Variants in VAV3 observed in about 807,000 individuals in gnomAD.
The protein encoded by VAV3 is guanine nucleotide exchange factor VAV3.
VAV3 carries 94 observed loss-of-function variants against 131.2 expected under a neutral mutation model. The ratio of observed to expected loss-of-function variants is 0.72; its 90% confidence interval spans 0.61 to 0.85. VAV3 has a LOEUF of 0.85. Ranked by LOEUF, VAV3 falls within the 40% of genes least tolerant of loss-of-function variation. VAV3 has a pLI of 0.00. For missense variants in VAV3, 939 were observed against 1,002.7 expected, an observed-to-expected ratio of 0.94 and a Z score of 0.86; for synonymous variants, 349 against 342.0, an observed-to-expected ratio of 1.02 and a Z score of -0.22.
At chr1:107,658,213 C>G (rs1218123242) in intron 19 of VAV3, among the ~76,000 whole-genome samples, 1 of 152,104 alleles carries the variant, frequency 6.6e-6, no homozygotes, top group Non-Finnish European at 1.5e-5. Flanking sequence ...GTTTTTTGTT[C>G]TTGCGATAAT....
At chr1:107,921,906 C>G (rs17020384) in intron 1 of VAV3, among the ~76,000 whole-genome samples, 5,095 of 152,288 alleles carry the variant, frequency 0.033, 117 homozygotes, top group South Asian at 0.13. Flanking sequence ...TGCTATTACA[C>G]TAGTTCATGG....
intron 1 of VAV3, among the ~76,000 whole-genome samples, chr1:107,944,692 T>C (rs961081132): frequency 6.6e-6 from 1 of 152,118 alleles, no homozygotes; most frequent in Non-Finnish European, 1.5e-5. Context: ...GCAACCTCCC[T>C]CTTCCAGGTT....
chr1:107,856,693 T>G (rs991639235), intron 2 of VAV3, among the ~76,000 whole-genome samples: 1 of 152,176 alleles, frequency 6.6e-6, no homozygotes, highest in African/African-American at 2.4e-5. Flanking sequence ...AGAGCAAATA[T>G]GAGATTTTTG....
At chr1:107,646,016 G>A (rs967145642) in intron 19 of VAV3, among the ~76,000 whole-genome samples, 1 of 151,920 alleles carries the variant, frequency 6.6e-6, no homozygotes, top group African/African-American at 2.4e-5. Flanking sequence ...CTTCCATCTG[G>A]AATTATGCTG....
At chr1:107,751,503 C>G (rs142846044) in intron 12 of VAV3, among the ~76,000 whole-genome samples, 1 of 152,046 alleles carries the variant, frequency 6.6e-6, no homozygotes, top group South Asian at 2.1e-4. Flanking sequence ...CGAGACGGTT[C>G]GGCAATTAAT....
At chr1:107,776,411 G>T (rs1665359613) in intron 4 of VAV3, among the ~76,000 whole-genome samples, 1 of 152,310 alleles carries the variant, frequency 6.6e-6, no homozygotes, top group South Asian at 2.1e-4. Context: ...ATGTAAGGGG[G>T]TGGTGGCAAT....
intron 15 of VAV3, among the ~76,000 whole-genome samples, chr1:107,714,880 C>T (rs150416566): frequency 0.02 from 3,116 of 152,164 alleles, 42 homozygotes; most frequent in Middle Eastern, 0.068. Flanking sequence ...TTCTTATCTA[C>T]TATATATTAC....
intron 4 of VAV3, among the ~76,000 whole-genome samples, chr1:107,773,265 C>T (rs556353815): frequency 1.2e-4 from 19 of 152,326 alleles, no homozygotes; most frequent in African/African-American, 3.8e-4. Context: ...TCTGTCTTAA[C>T]GCTGAGTGTT....
At chr1:107,948,655 CCAA>C (rs1405789576) in intron 1 of VAV3, among the ~76,000 whole-genome samples, 3 of 152,128 alleles carry the variant, frequency 2.0e-5, no homozygotes, top group African/African-American at 4.8e-5. Context: ...ACCAGCCTAG[CCAA>C]CATGGCGAAA....
At chr1:107,938,965 G>A (rs1487304485) in intron 1 of VAV3, among the ~76,000 whole-genome samples, 1 of 152,172 alleles carries the variant, frequency 6.6e-6, no homozygotes, top group Non-Finnish European at 1.5e-5. Context: ...TAAGGCAAAC[G>A]CTGAGCTATA....
At chr1:107,747,926 G>A (rs114382932) in intron 15 of VAV3, among the ~76,000 whole-genome samples, 3,086 of 152,062 alleles carry the variant, frequency 0.02, 54 homozygotes, top group Middle Eastern at 0.051. Flanking sequence ...ACATTAACAC[G>A]AGCATTTCTT....
chr1:107,825,192 A>C (rs2102372252), intron 2 of VAV3, among the ~76,000 whole-genome samples: 1 of 152,308 alleles, frequency 6.6e-6, no homozygotes, highest in East Asian at 1.9e-4. Flanking sequence ...TTTACAGAGA[A>C]TGTCTGCTGA....
intron 1 of VAV3, among the ~76,000 whole-genome samples, chr1:107,959,292 A>T (rs143223142): frequency 6.6e-6 from 1 of 151,980 alleles, no homozygotes; most frequent in Non-Finnish European, 1.5e-5. Context: ...TTAATTAATT[A>T]ACCCATATAT....
chr1:107,597,226 T>TAAAAAAA (rs11294561), intron 24 of VAV3, among the ~76,000 whole-genome samples: 2 of 137,990 alleles, frequency 1.4e-5, no homozygotes. Context: ...AAATAAAAAA[T>TAAAAAAA]AAAAAAAAAA....
intron 19 of VAV3, among the ~76,000 whole-genome samples, chr1:107,660,251 C>T (rs756107715): frequency 3.6e-4 from 55 of 152,128 alleles, no homozygotes; most frequent in Non-Finnish European, 2.1e-4. Context: ...CATTACTTTT[C>T]GAGTACCAGT....
At position 107,813,633 on chromosome 1, in the gene VAV3, C is replaced by T. The variant is rs76742805; in HGVS notation, c.322-34141G>A. Among the ~76,000 whole-genome samples, 1,292 of 152,272 alleles carry T rather than the reference C, an allele frequency of 8.5e-3. 17 individuals are homozygous for T. Among genetic ancestry groups the T allele is most frequent in the African/African-American group, 0.03 (1,228 of 41,560 alleles). On this transcript the variant is annotated intron_variant, in intron 2 of 26. Coordinates refer to ENST00000370056, the MANE Select transcript of VAV3 (RefSeq NM_006113.5). ...GAACATTTCAAGTCCTCTCTTCTAG[C>T]TATTTTGAAAAATGTAATGCATTAT...
intron 1 of VAV3, among the ~76,000 whole-genome samples, chr1:107,918,703 ATATT>A (rs1258708041): frequency 0.01 from 1,216 of 119,846 alleles, 6 homozygotes; most frequent in African/African-American, 0.017. Context: ...ATATATATAT[ATATT>A]TTTTTTTTTT....
At chr1:107,615,831 C>CA (rs994474123) in intron 21 of VAV3, among the ~76,000 whole-genome samples, 4 of 151,028 alleles carry the variant, frequency 2.6e-5, no homozygotes, top group East Asian at 1.9e-4. Flanking sequence ...TATAATTGGC[C>CA]AAAAAAAATT....
At chr1:107,900,057 C>G (rs1417386964) in intron 1 of VAV3, among the ~76,000 whole-genome samples, 1 of 152,116 alleles carries the variant, frequency 6.6e-6, no homozygotes, top group East Asian at 1.9e-4. Context: ...AAAATTATCT[C>G]TTCTTCTTCA....
Sources: allele counts gnomAD v4.1 joint callset (sites outside exome capture counted in the v4.1 genomes callset), GRCh38; gene constraint gnomAD v4.1.1; transcripts MANE v1.5; gene names NCBI Gene and HGNC (gene_info 2026-07-23, HGNC 2026-07-21).